VPS13C: variants seen among roughly 807,000 people sequenced by gnomAD.
VPS13C encodes vacuolar protein sorting 13 homolog C, also known as intermembrane lipid transfer protein VPS13C.
In VPS13C, 358 loss-of-function variants were observed where a neutral mutation model predicts 456.8. That is an observed-to-expected ratio of 0.78 (90% CI 0.72 to 0.86). The LOEUF (loss-of-function observed/expected upper bound fraction) is 0.86, where lower values mean the gene tolerates loss of function less well. Among genes scored for constraint, VPS13C ranks in the 40% least tolerant of loss-of-function variants. The probability of loss-of-function intolerance (pLI) is 0.00; values close to 1 mark genes in which losing one functional copy is unlikely to be tolerated. For missense variants in VPS13C, 4,818 were observed against 4,385.4 expected, an observed-to-expected ratio of 1.10 and a Z score of -2.79; for synonymous variants, 1,578 against 1,486.7, an observed-to-expected ratio of 1.06 and a Z score of -1.41.
intron 18 of VPS13C, among the ~76,000 whole-genome samples, chr15:61,989,042 TAAAG>T (rs1478681707): frequency 6.6e-6 from 1 of 151,410 alleles, no homozygotes; most frequent in East Asian, 1.9e-4. Context: ...AAAAGATTAA[TAAAG>T]AAAATAAATA....
At chr15:61,931,579 CTTTT>C (rs375639929) in intron 49 of VPS13C, among the ~76,000 whole-genome samples, 1 of 137,978 alleles carries the variant, frequency 7.2e-6, no homozygotes. Flanking sequence ...TAAATTTTTT[CTTTT>C]TTTTTTTTTT....
chr15:61,869,507 T>A lies in VPS13C; in HGVS notation c.10741A>T (p.Ile3581Phe). The A allele has an allele frequency of 6.2e-7, 1 of 1,614,160 alleles. No individual in the cohort carries two copies. The highest frequency in any genetic ancestry group is 8.5e-7 in the Non-Finnish European group (1 of 1,180,000). ...VDMASSTFQGIQRAAESTEEV... is the reference protein window; with the variant it reads ...VDMASSTFQGFQRAAESTEEV... ...TAGTATGTACTCAATTACCTCTGAA[T>A]GCCTTGGAAGGTACTACTGGCCATA... is the stretch of plus-strand genomic sequence containing the variant. The change falls in exon 80 of 85, where the codon ATT becomes TTT. Residue 3581 changes from isoleucine to phenylalanine, a missense_variant. Coordinates refer to ENST00000644861, the MANE Select transcript of VPS13C (RefSeq NM_020821.3).
At position 61,964,623 on chromosome 15, in the gene VPS13C, A is replaced by G. The variant is rs2140328980; in HGVS notation, c.3214+76T>C. The G allele has an allele frequency of 2.3e-6, 3 of 1,332,728 alleles. No individual in the cohort carries two copies. The East Asian group carries it at 7.0e-5, about 31-fold the overall frequency. 82.6% of individuals were successfully genotyped at this position (1,332,728 alleles called of 1,614,324 possible). Reference sequence around the variant, plus strand: ...TGGTATTTAAATGACTGAGTCAGATAGTCTCTAGTATTCCTCATTTAGCTT... The same window carrying G: ...TGGTATTTAAATGACTGAGTCAGATGGTCTCTAGTATTCCTCATTTAGCTT... On this transcript the variant is annotated intron_variant, in intron 31 of 84. Transcript: ENST00000644861.
chr15:62,020,164 C>A (rs980791191), intron 9 of VPS13C, among the ~76,000 whole-genome samples: 1 of 151,586 alleles, frequency 6.6e-6, no homozygotes, highest in South Asian at 2.1e-4. Context: ...CTACCTATAC[C>A]GAAGATGAGT....
At chr15:61,949,629 G>C (rs932974604) in intron 41 of VPS13C, 24 bp from the exon 42 acceptor site, 13 of 1,578,992 alleles carry the variant, frequency 8.2e-6, no homozygotes, top group Admixed American at 4.0e-5. Flanking sequence ...CAATTAAAGA[G>C]GCAGATTTCA....
chr15:61,877,521 C>A (rs1476077721), intron 74 of VPS13C, among the ~76,000 whole-genome samples: 1 of 145,354 alleles, frequency 6.9e-6, no homozygotes, highest in Admixed American at 7.2e-5. Flanking sequence ...TCAGACATTT[C>A]CAATTTTTGC....
intron 12 of VPS13C, among the ~76,000 whole-genome samples, chr15:62,011,506 G>A (rs1281214571): frequency 3.9e-5 from 6 of 151,938 alleles, no homozygotes; most frequent in South Asian, 2.1e-4. Flanking sequence ...AGAGTAATAC[G>A]GAACAACGTG....
At chr15:61,980,058 C>T (rs2045829933) in intron 22 of VPS13C, among the ~76,000 whole-genome samples, 1 of 151,350 alleles carries the variant, frequency 6.6e-6, no homozygotes, top group Non-Finnish European at 1.5e-5. Flanking sequence ...GGGGTGCGTG[C>T]CTGTAATCCC....
At chr15:61,911,715 A>G in intron 63 of VPS13C, 125 bp downstream of exon 63, 1 of 992,870 alleles carries the variant, frequency 1.0e-6, no homozygotes, top group Non-Finnish European at 1.4e-6. Context: ...AATCTTTCAA[A>G]GCTGGCTGTC....
Position 61,941,849 on chromosome 15 carries a change from C to T in VPS13C, c.5367G>A (p.Lys1789=). The change falls in exon 46 of 85, where the codon AAG becomes AAA. Residue 1789 remains lysine (K), a synonymous_variant. Transcript: ENST00000644861. ...ADLGLIRVEN[K]FSLVPMEHYS... ...AATGTTCCATAGGAACCAAGCTAAA[C>T]TTGTTTTCAACTCTGATTAAACCCA... is the stretch of plus-strand genomic sequence containing the variant. 1.2e-6 allele frequency: 2 copies of T among 1,613,944 alleles called. No homozygotes were observed. Among genetic ancestry groups the T allele is most frequent in the Non-Finnish European group, 1.7e-6 (2 of 1,179,868 alleles).
chr15:62,023,551 G>C (rs745847715), intron 7 of VPS13C, 31 bp from the exon 8 acceptor site: 2 of 1,488,596 alleles, frequency 1.3e-6, no homozygotes, highest in Non-Finnish European at 1.8e-6. Flanking sequence ...ACAAGCTCAA[G>C]AGTTGAAATT....
At chr15:62,007,978 C>T (rs1031870995) in intron 14 of VPS13C, among the ~76,000 whole-genome samples, 3 of 152,030 alleles carry the variant, frequency 2.0e-5, no homozygotes, top group East Asian at 1.9e-4. Context: ...CGGTGGCTCA[C>T]GCCTGTAATC....
At chr15:62,055,762 G>A (rs1186771645) in intron 1 of VPS13C, among the ~76,000 whole-genome samples, 1 of 152,110 alleles carries the variant, frequency 6.6e-6, no homozygotes, top group Non-Finnish European at 1.5e-5. Flanking sequence ...TTCGTTAAGA[G>A]TAATCTACTT....
intron 1 of VPS13C, among the ~76,000 whole-genome samples, chr15:62,059,553 C>G (rs1381740675): frequency 6.6e-6 from 1 of 152,178 alleles, no homozygotes; most frequent in Non-Finnish European, 1.5e-5. Flanking sequence ...GCATAAATTC[C>G]TGAGCATGCA....
Position 61,978,650 on chromosome 15 carries a change from C to T in VPS13C, c.2266G>A (p.Val756Ile), listed in dbSNP as rs1412435661. 2 of 1,611,342 alleles carry T rather than the reference C, an allele frequency of 1.2e-6. No individual in the cohort carries two copies. Among genetic ancestry groups the T allele is most frequent in the Non-Finnish European group, 8.5e-7 (1 of 1,179,178 alleles). The stretch of plus-strand genomic sequence containing the variant: ...CCTGCTCTTGCAAAAAGTAGTTGTA[C>T]ATTTTTTATTTCAACATCAAACTTG... The part of the protein sequence containing the change: ...YDKFDVEIKN[V>I]QLLFARAEET... Residue 756 changes from valine to isoleucine, a missense_variant, in exon 23 of 85, where the codon GTA (valine) becomes ATA (isoleucine). Transcript: ENST00000644861.
intron 22 of VPS13C, among the ~76,000 whole-genome samples, chr15:61,979,021 ACTC>A (rs1377085385): frequency 6.6e-6 from 1 of 151,944 alleles, no homozygotes; most frequent in Non-Finnish European, 1.5e-5. Flanking sequence ...TAGATGTACA[ACTC>A]CTCCTCTTCC....
chr15:61,912,140 T>G (rs2043319891), intron 62 of VPS13C, 136 bp from the exon 63 acceptor site: 1 of 823,196 alleles, frequency 1.2e-6, no homozygotes, highest in African/African-American at 1.8e-5. Flanking sequence ...TAAGTTACAT[T>G]CTGCAAAAGA....
At chr15:61,891,788 G>C (rs2042660396) in intron 66 of VPS13C, among the ~76,000 whole-genome samples, 1 of 152,152 alleles carries the variant, frequency 6.6e-6, no homozygotes, top group African/African-American at 2.4e-5. Flanking sequence ...ACGCCAAAAT[G>C]GAAGAGTAGA....
chr15:61,924,231 G>C (rs2043766363), intron 53 of VPS13C, among the ~76,000 whole-genome samples: 1 of 152,074 alleles, frequency 6.6e-6, no homozygotes, highest in Non-Finnish European at 1.5e-5. Flanking sequence ...AGTTCTGTCT[G>C]GATAAACCTT....
Sources: allele counts gnomAD v4.1 joint callset (sites outside exome capture counted in the v4.1 genomes callset), GRCh38; gene constraint gnomAD v4.1.1; transcripts MANE v1.5; gene names NCBI Gene and HGNC (gene_info 2026-07-23, HGNC 2026-07-21).